Variants in SOS2 observed in about 807,000 individuals in gnomAD.
SOS2 encodes the protein son of sevenless homolog 2.
In SOS2, 65 loss-of-function variants were observed where a neutral mutation model predicts 148.2. The ratio of observed to expected loss-of-function variants is 0.44; its 90% CI spans 0.36 to 0.54. The LOEUF (loss-of-function observed/expected upper bound fraction) is 0.54. Among genes scored for constraint, SOS2 ranks in the 20% least tolerant of loss-of-function variants. The pLI is 0.00. For missense variants in SOS2, 1,341 were observed against 1,590.2 expected (o/e 0.84, Z 2.67); for synonymous variants, 539 against 537.1 (o/e 1.00, Z -0.05).
rs1883326286 is a variant in SOS2, at chr14:50,117,546, T to C, written c.*798A>G. 1 of 152,210 alleles carries C rather than the reference T, an allele frequency of 6.6e-6. No homozygotes were observed. The allele number at this position is 152,210 out of a possible 1,614,324, so 9.4% of individuals were successfully genotyped here. The stretch of plus-strand genomic sequence containing the variant: ...TTATAGGCCTCAAGTCACTTAAATT[T>C]ATATAGGTTATTAGCAGTATCTTTA... On this transcript the variant is annotated 3_prime_UTR_variant, in exon 23 of 23. Coordinates refer to ENST00000216373, the MANE Select transcript of SOS2 (RefSeq NM_006939.4).
intron 1 of SOS2, chr14:50,215,592 T>C: frequency 2.1e-6 from 1 of 474,068 alleles, no homozygotes; most frequent in African/African-American, 2.1e-5. Context: ...ATTTTCAAAT[T>C]GCCAGAAGGC....
upstream of SOS2, among the ~76,000 whole-genome samples, chr14:50,231,752 G>A (rs1244090432): frequency 1.3e-5 from 2 of 151,982 alleles, no homozygotes; most frequent in Non-Finnish European, 2.9e-5. Context: ...AGCGCCGCCC[G>A]GCCCTGCCCA....
intron 2 of SOS2, among the ~76,000 whole-genome samples, chr14:50,202,341 A>G (rs1023170598): frequency 5.3e-5 from 8 of 152,206 alleles, no homozygotes; most frequent in African/African-American, 1.7e-4. Context: ...TTAAACTCTA[A>G]TTTAGCAGGG....
At chr14:50,167,594 C>A (rs562920254) in intron 8 of SOS2, among the ~76,000 whole-genome samples, 2 of 151,412 alleles carry the variant, frequency 1.3e-5, no homozygotes, top group Non-Finnish European at 2.9e-5. Context: ...GGTAGCCAGG[C>A]GCAATGACTC....
Position 50,134,244 on chromosome 14 carries a change from A to T in SOS2, c.2959-5T>A. ...GTTAAGGTTTTCAAAGAATCTCTGG[A>T]ATTAAACAAATAACACAAGTGCATA... is the stretch of plus-strand genomic sequence containing the variant. On this transcript the variant is annotated splice_polypyrimidine_tract_variant and splice_region_variant and intron_variant, in intron 18 of 22. Coordinates refer to ENST00000216373, the MANE Select transcript of SOS2 (RefSeq NM_006939.4). 7.7e-7 allele frequency: 1 copy of T among 1,290,448 alleles called. No individual in the cohort carries two copies. The highest frequency in any genetic ancestry group is 1.1e-6 in the Non-Finnish European group (1 of 895,470). 79.9% of individuals were successfully genotyped at this position (1,290,448 alleles called of 1,614,324 possible). A position where few individuals can be genotyped will look rare whatever the true frequency, so the allele number is the denominator to read the frequency against.
intron 13 of SOS2, among the ~76,000 whole-genome samples, chr14:50,151,886 G>C (rs934226439): frequency 2.0e-5 from 3 of 151,928 alleles, no homozygotes; most frequent in Non-Finnish European, 4.4e-5. Context: ...ACCATGCTTG[G>C]CTAATTTTCA....
chr14:50,138,489 AAATT>A (rs1207809659), intron 18 of SOS2, 119 bp downstream of exon 18: 5 of 453,952 alleles, frequency 1.1e-5, no homozygotes, highest in Non-Finnish European at 1.6e-5. Flanking sequence ...ATCTGCAATT[AAATT>A]ATTATGGACT....
At chr14:50,177,653 T>C (rs1885567356) in intron 7 of SOS2, among the ~76,000 whole-genome samples, 1 of 152,168 alleles carries the variant, frequency 6.6e-6, no homozygotes, top group Non-Finnish European at 1.5e-5. Flanking sequence ...TTTATATGAA[T>C]ATATGAGTTA....
intron 1 of SOS2, among the ~76,000 whole-genome samples, chr14:50,220,440 A>G (rs560173269): frequency 6.7e-6 from 1 of 150,204 alleles, no homozygotes; most frequent in Non-Finnish European, 1.5e-5. Context: ...CCCTGCATAA[A>G]GAAAGCACTC....
At chr14:50,130,044 T>C in intron 20 of SOS2, 42 bp from the exon 21 acceptor site, 14 of 1,251,602 alleles carry the variant, frequency 1.1e-5, no homozygotes, top group Non-Finnish European at 1.6e-5. Context: ...GAAGGTAACA[T>C]GTAGGTATTA....
intron 1 of SOS2, among the ~76,000 whole-genome samples, chr14:50,205,818 G>A (rs1277181495): frequency 2.0e-5 from 3 of 151,686 alleles, no homozygotes; most frequent in African/African-American, 7.3e-5. Context: ...TACTAAGGAG[G>A]CTGAGGCAGG....
chr14:50,138,852 G>A, intron 17 of SOS2, 68 bp from the exon 18 acceptor site: 2 of 602,960 alleles, frequency 3.3e-6, no homozygotes, highest in Non-Finnish European at 5.4e-6. Flanking sequence ...CAATTATTTG[G>A]GAAAACAACT....
chr14:50,193,537 C>T (rs535322885), intron 4 of SOS2, among the ~76,000 whole-genome samples: 41 of 152,128 alleles, frequency 2.7e-4, no homozygotes, highest in African/African-American at 8.7e-4. Context: ...TTATTTTTAA[C>T]TGTAAAGAAA....
chr14:50,158,946 A>T (rs1884906211), intron 10 of SOS2, among the ~76,000 whole-genome samples: 1 of 152,146 alleles, frequency 6.6e-6, no homozygotes, highest in Admixed American at 6.5e-5. Context: ...GCACTTTGGG[A>T]GGCCGAGGTG....
At position 50,150,121 on chromosome 14, in the gene SOS2, T is replaced by C. The variant is rs1457757510; in HGVS notation, c.2271A>G (p.Pro757=). The change falls in exon 14 of 23, where the codon CCA becomes CCG. Residue 757 remains proline, a synonymous_variant. Transcript: ENST00000216373. ...SHNITFESPP[P]PIEWHISKPG... ...GTTTGCTGATATGCCATTCAATTGG[T>C]GGAGGTGGACTTTCAAAGGTAATAT... The C allele has an allele frequency of 1.5e-5, 24 of 1,613,196 alleles. No individual in the cohort carries two copies. Among genetic ancestry groups the C allele is most frequent in the Non-Finnish European group, 2.0e-5 (23 of 1,179,240 alleles).
intron 1 of SOS2, among the ~76,000 whole-genome samples, chr14:50,210,889 A>G (rs1886848385): frequency 6.6e-6 from 1 of 152,188 alleles, no homozygotes; most frequent in Non-Finnish European, 1.5e-5. Context: ...GATAATATCA[A>G]ATGTTGGTAA....
intron 2 of SOS2, among the ~76,000 whole-genome samples, chr14:50,202,912 T>C (rs1195828521): frequency 2.0e-5 from 3 of 152,148 alleles, no homozygotes; most frequent in Admixed American, 1.3e-4. Flanking sequence ...TCCCAGCACT[T>C]TGGAAGGCTG....
chr14:50,125,728 T>A lies in SOS2; in HGVS notation c.3379+4233A>T, dbSNP rs73289771. On this transcript the variant is annotated intron_variant, in intron 21 of 22. Coordinates refer to ENST00000216373, the MANE Select transcript of SOS2 (RefSeq NM_006939.4). The stretch of plus-strand genomic sequence containing the variant: ...TGGACATGAAAACAGAAGACTTGGT[T>A]AAGTCTGGATAAGGGAGAGTTAGAA... Among the ~76,000 whole-genome samples, 1,392 of 152,308 alleles carry A rather than the reference T, an allele frequency of 9.1e-3. 19 individuals carry two copies. The highest frequency in any genetic ancestry group is 0.032 in the African/African-American group (1,327 of 41,572).
chr14:50,210,025 A>G (rs1162129087), intron 1 of SOS2, among the ~76,000 whole-genome samples: 2 of 152,222 alleles, frequency 1.3e-5, no homozygotes, highest in Non-Finnish European at 2.9e-5. Context: ...TAATTTCAAC[A>G]TGTAAATAAA....
Sources: gnomAD v4.1 joint callset for allele counts (sites outside exome capture counted in the v4.1 genomes callset) on GRCh38, gnomAD v4.1.1 for gene constraint, MANE v1.5 for transcripts, NCBI Gene and HGNC (gene_info 2026-07-23, HGNC 2026-07-21) for gene names.